The following DLG2 variants were observed in gnomAD, a reference collection of about 807,000 sequenced individuals.
DLG2 encodes the protein disks large homolog 2.
Under a neutral mutation model 132.5 loss-of-function variants are expected in DLG2, and 45 were observed. The ratio of observed to expected loss-of-function variants is 0.34; its 90% CI spans 0.27 to 0.44. DLG2 has a LOEUF of 0.44. Among genes scored for constraint, DLG2 ranks in the 20% least tolerant of loss-of-function variants. The pLI, the probability that DLG2 is intolerant of heterozygous loss-of-function variation, is 1.00. For synonymous variants in DLG2, 424 were observed against 419.6 expected (o/e 1.01, Z -0.13); for missense variants, 1,045 against 1,196.9 (o/e 0.87, Z 1.87).
At chr11:84,175,400 T>C (rs1012994729) in intron 8 of DLG2, among the ~76,000 whole-genome samples, 7 of 152,276 alleles carry the variant, frequency 4.6e-5, no homozygotes, top group African/African-American at 1.7e-4. Context: ...AAGAAATAAA[T>C]GGATTGACTC....
intron 3 of DLG2, among the ~76,000 whole-genome samples, chr11:85,470,210 T>G (rs1182652730): frequency 6.7e-6 from 1 of 149,824 alleles, no homozygotes; most frequent in Non-Finnish European, 1.5e-5. Flanking sequence ...TTAATCTACT[T>G]GGTTTTTTTT....
chr11:84,435,101 G>A (rs1483397819), intron 7 of DLG2, among the ~76,000 whole-genome samples: 3 of 151,802 alleles, frequency 2.0e-5, no homozygotes, highest in Non-Finnish European at 1.5e-5. Flanking sequence ...TCTTCCATCT[G>A]TTGATAAACC....
At chr11:85,557,088 T>C (rs2076981157) in intron 3 of DLG2, among the ~76,000 whole-genome samples, 1 of 151,724 alleles carries the variant, frequency 6.6e-6, no homozygotes, top group Non-Finnish European at 1.5e-5. Context: ...AACAACTTCA[T>C]GAAAGTTTCA....
chr11:84,281,436 T>A lies in DLG2; in HGVS notation c.520-30145A>T, dbSNP rs183680654. On this transcript the variant is annotated intron_variant, in intron 7 of 27. Transcript: ENST00000376104. The stretch of plus-strand genomic sequence containing the variant: ...AAAAACAAATAACTCTTTTTTTTTG[T>A]CTTTTTTTAAAATTATTATTATACT... 3.5e-3 allele frequency among the ~76,000 whole-genome samples: 530 copies of A among 152,214 alleles called. 6 individuals are homozygous for A. Among genetic ancestry groups the A allele is most frequent in the African/African-American group, 0.012 (497 of 41,516 alleles).
chr11:85,021,351 T>C, intron 6 of DLG2: 1 of 1,295,558 alleles, frequency 7.7e-7, no homozygotes, highest in South Asian at 1.2e-5. Context: ...ACATCTGTGC[T>C]GCAGATCGTT....
At chr11:83,732,075 A>G (rs1463984103) in intron 18 of DLG2, among the ~76,000 whole-genome samples, 2 of 152,178 alleles carry the variant, frequency 1.3e-5, no homozygotes, top group Non-Finnish European at 2.9e-5. Context: ...CTATATTGTC[A>G]GAAGAGACTG....
chr11:84,881,133 G>A (rs1056288343), intron 6 of DLG2, among the ~76,000 whole-genome samples: 1 of 152,044 alleles, frequency 6.6e-6, no homozygotes, highest in Admixed American at 6.6e-5. Context: ...ATAAGTGGGG[G>A]ACAACAAAAA....
intron 6 of DLG2, among the ~76,000 whole-genome samples, chr11:84,865,181 C>A (rs148676401): frequency 6.6e-6 from 1 of 152,244 alleles, no homozygotes; most frequent in East Asian, 1.9e-4. Context: ...CAGGGTAGGA[C>A]CACTCCTGAC....
chr11:83,577,459 A>ATATATATATAAAATAGGATATAT (rs2096890936), intron 19 of DLG2, among the ~76,000 whole-genome samples: 2 of 129,368 alleles, frequency 1.5e-5, no homozygotes, highest in African/African-American at 7.0e-5. Flanking sequence ...AACTAATAGG[A>ATATATATATAAAATAGGATATAT]TATATATATA....
chr11:84,132,963 C>T (rs980220127), intron 9 of DLG2, among the ~76,000 whole-genome samples: 2 of 151,912 alleles, frequency 1.3e-5, no homozygotes, highest in Non-Finnish European at 2.9e-5. Flanking sequence ...TAGAAGTAAG[C>T]AAACAACCAG....
chr11:83,910,636 A>G (rs2075873472), intron 15 of DLG2, among the ~76,000 whole-genome samples: 2 of 152,162 alleles, frequency 1.3e-5, no homozygotes, highest in African/African-American at 4.8e-5. Flanking sequence ...CACACATTAC[A>G]TGTATCGAAA....
chr11:83,902,343 T>C (rs1406550338), intron 15 of DLG2, among the ~76,000 whole-genome samples: 2 of 152,208 alleles, frequency 1.3e-5, no homozygotes, highest in Non-Finnish European at 2.9e-5. Flanking sequence ...AGGGTTCATT[T>C]GAATCAAGAT....
chr11:85,416,968 TC>T (rs1181558612), intron 3 of DLG2, among the ~76,000 whole-genome samples: 2 of 152,196 alleles, frequency 1.3e-5, no homozygotes, highest in Non-Finnish European at 2.9e-5. Context: ...GGCCAGAACT[TC>T]CAATACTATA....
intron 18 of DLG2, among the ~76,000 whole-genome samples, chr11:83,652,457 G>A (rs773698482): frequency 1.2e-4 from 19 of 152,112 alleles, no homozygotes; most frequent in Non-Finnish European, 2.4e-4. Flanking sequence ...TGCAACCTCC[G>A]CCTCCTGGGT....
chr11:85,395,064 A>G (rs1596866054), intron 3 of DLG2, among the ~76,000 whole-genome samples: 1 of 152,308 alleles, frequency 6.6e-6, no homozygotes, highest in East Asian at 1.9e-4. Context: ...TCTCCCAGTG[A>G]AACACTCTTA....
intron 19 of DLG2, among the ~76,000 whole-genome samples, chr11:83,576,220 C>T (rs1006960953): frequency 6.6e-6 from 1 of 152,040 alleles, no homozygotes; most frequent in Non-Finnish European, 1.5e-5. Flanking sequence ...AACCAACTAA[C>T]CAAACTAACC....
intron 4 of DLG2, among the ~76,000 whole-genome samples, chr11:85,186,590 G>A (rs977009360): frequency 3.9e-5 from 6 of 152,078 alleles, no homozygotes; most frequent in Non-Finnish European, 1.5e-5. Flanking sequence ...ACTTTTAACA[G>A]TTTGTTTATG....
chr11:84,021,515 G>A (rs558852627), intron 11 of DLG2, among the ~76,000 whole-genome samples: 22 of 152,204 alleles, frequency 1.4e-4, no homozygotes, highest in Non-Finnish European at 8.8e-5. Flanking sequence ...TGGTCCTTAA[G>A]CAGCTGCTAA....
chr11:84,724,534 GT>G (rs1449421114), intron 6 of DLG2, among the ~76,000 whole-genome samples: 2 of 152,100 alleles, frequency 1.3e-5, no homozygotes, highest in African/African-American at 4.8e-5. Context: ...TTTATACCAT[GT>G]AAACTAACAA....
Sources: gnomAD v4.1 joint callset for allele counts (sites outside exome capture counted in the v4.1 genomes callset) on GRCh38, gnomAD v4.1.1 for gene constraint, MANE v1.5 for transcripts, NCBI Gene and HGNC (gene_info 2026-07-23, HGNC 2026-07-21) for gene names.